Variants in ARL15 observed in about 807,000 individuals in gnomAD.
ARL15 encodes ADP-ribosylation factor-like protein 15.
Under a neutral mutation model 25.2 loss-of-function variants are expected in ARL15, and 19 were observed. That is an observed-to-expected ratio of 0.75 (90% CI 0.53 to 1.10). The LOEUF is 1.10. Ranked by LOEUF, ARL15 falls within the 50% of genes least tolerant of loss-of-function variation. The pLI, the probability that ARL15 is intolerant of heterozygous loss-of-function variation, is 0.00. For missense variants in ARL15, 220 were observed against 246.0 expected, an observed-to-expected ratio of 0.89 and a Z score of 0.71; for synonymous variants, 94 against 86.8, an observed-to-expected ratio of 1.08 and a Z score of -0.46.
chr5:53,973,435 A>G (rs1386020929), intron 4 of ARL15, among the ~76,000 whole-genome samples: 1 of 152,034 alleles, frequency 6.6e-6, no homozygotes, highest in Non-Finnish European at 1.5e-5. Context: ...TTAGCCAGGC[A>G]TGGTGGCGGG....
At chr5:54,200,615 T>C (rs757100245) in intron 1 of ARL15, among the ~76,000 whole-genome samples, 11 of 152,096 alleles carry the variant, frequency 7.2e-5, no homozygotes, top group Non-Finnish European at 1.5e-4. Context: ...GTTGATATAA[T>C]CATAAACCAA....
chr5:54,237,882 C>CAACT (rs2112568985), intron 1 of ARL15, among the ~76,000 whole-genome samples: 1 of 152,258 alleles, frequency 6.6e-6, no homozygotes, highest in Admixed American at 6.5e-5. Context: ...GCTGGGCAAC[C>CAACT]AACTAACCAT....
At chr5:54,234,340 A>G (rs1326897017) in intron 1 of ARL15, among the ~76,000 whole-genome samples, 1 of 152,102 alleles carries the variant, frequency 6.6e-6, no homozygotes, top group Non-Finnish European at 1.5e-5. Flanking sequence ...AAAAAATTTT[A>G]ATTGCTAGAA....
intron 1 of ARL15, among the ~76,000 whole-genome samples, chr5:54,233,501 T>C (rs368440060): frequency 6.6e-6 from 1 of 152,250 alleles, no homozygotes; most frequent in African/African-American, 2.4e-5. Context: ...AAGACTGATA[T>C]TGTGTTAACA....
intron 1 of ARL15, among the ~76,000 whole-genome samples, chr5:54,197,545 G>C (rs918868591): frequency 1.3e-5 from 2 of 152,026 alleles, no homozygotes; most frequent in Admixed American, 6.6e-5. Context: ...CCACATTTTG[G>C]GGGGAAATGC....
chr5:54,120,637 C>A (rs1753043577), intron 3 of ARL15, among the ~76,000 whole-genome samples: 1 of 152,192 alleles, frequency 6.6e-6, no homozygotes, highest in Non-Finnish European at 1.5e-5. Flanking sequence ...AAGGGGATCA[C>A]AACTTGCATA....
chr5:53,888,881 T>C lies in ARL15; in HGVS notation c.463-2168A>G, dbSNP rs894467901. Among the ~76,000 whole-genome samples, 3 of 152,242 alleles carry C rather than the reference T, an allele frequency of 2.0e-5. No individual in the cohort carries two copies. The East Asian group carries it at 5.8e-4, about 29-fold the overall frequency. On this transcript the variant is annotated intron_variant, in intron 4 of 4. Transcript: ENST00000504924. Reference sequence around the variant, plus strand: ...CTGAAAATCAGAGATGTTGGTCTTGTTGCTTCTGCCACAAAGTAAGGCTTC... The same window carrying C: ...CTGAAAATCAGAGATGTTGGTCTTGCTGCTTCTGCCACAAAGTAAGGCTTC...
chr5:54,106,599 T>C (rs970434476), intron 4 of ARL15, among the ~76,000 whole-genome samples: 4 of 152,190 alleles, frequency 2.6e-5, no homozygotes, highest in Admixed American at 6.5e-5. Flanking sequence ...CCTAATAATG[T>C]AAATGCTACG....
chr5:54,204,332 A>G (rs1209077618), intron 1 of ARL15, among the ~76,000 whole-genome samples: 1 of 152,204 alleles, frequency 6.6e-6, no homozygotes, highest in East Asian at 1.9e-4. Context: ...TTCCCACAGG[A>G]GACATGCAGG....
chr5:54,053,808 G>A (rs1293363057), intron 4 of ARL15, among the ~76,000 whole-genome samples: 1 of 152,234 alleles, frequency 6.6e-6, no homozygotes, highest in African/African-American at 2.4e-5. Context: ...GGCCTAAGGA[G>A]ATGTGAAAAC....
At chr5:54,017,117 G>T (rs369545538) in intron 4 of ARL15, among the ~76,000 whole-genome samples, 1 of 152,164 alleles carries the variant, frequency 6.6e-6, no homozygotes, top group African/African-American at 2.4e-5. Context: ...TGTTGAAACT[G>T]AAACATCATA....
chr5:54,217,851 G>A (rs1050289813), intron 1 of ARL15, among the ~76,000 whole-genome samples: 5 of 151,984 alleles, frequency 3.3e-5, no homozygotes, highest in East Asian at 1.9e-4. Context: ...CTCTATGTTG[G>A]ACTAAATTAC....
At chr5:54,282,568 C>A in intron 1 of ARL15, 1 of 984,626 alleles carries the variant, frequency 1.0e-6, no homozygotes. Flanking sequence ...TCCTCTAATA[C>A]AAGAGCATCA....
rs545617437 is a variant in ARL15, at chr5:54,265,258, T to C, written c.48+45174A>G. On this transcript the variant is annotated intron_variant, in intron 1 of 4. Transcript: ENST00000504924. ...AGTACAATTGTTATATTTTACAAAA[T>C]ACTCTTTCTGGAATGTAGTGGTTGT... 2.0e-5 allele frequency among the ~76,000 whole-genome samples: 3 copies of C among 152,364 alleles called. No individual in the cohort carries two copies. The East Asian group carries it at 5.8e-4, about 29-fold the overall frequency.
chr5:54,163,756 T>G (rs573178578), intron 2 of ARL15, among the ~76,000 whole-genome samples: 9 of 152,126 alleles, frequency 5.9e-5, no homozygotes, highest in African/African-American at 2.2e-4. Flanking sequence ...GATGTCACCT[T>G]TCTTATTCCT....
intron 2 of ARL15, among the ~76,000 whole-genome samples, chr5:54,160,123 T>C (rs549983959): frequency 6.6e-6 from 1 of 152,308 alleles, no homozygotes; most frequent in South Asian, 2.1e-4. Flanking sequence ...AAGGGCATGA[T>C]TTATGCCACA....
At chr5:54,122,949 A>T (rs1232471462) in intron 3 of ARL15, among the ~76,000 whole-genome samples, 1 of 152,148 alleles carries the variant, frequency 6.6e-6, no homozygotes. Flanking sequence ...TCTATACAGA[A>T]TCTGGCACAG....
chr5:54,116,131 T>C (rs1052118083), intron 3 of ARL15, among the ~76,000 whole-genome samples: 26 of 152,182 alleles, frequency 1.7e-4, no homozygotes, highest in African/African-American at 6.3e-4. Flanking sequence ...TATTACACCC[T>C]TGTATAGTCA....
At chr5:54,309,606 T>C (rs1302279211) in intron 1 of ARL15, among the ~76,000 whole-genome samples, 1 of 152,248 alleles carries the variant, frequency 6.6e-6, no homozygotes, top group Non-Finnish European at 1.5e-5. Context: ...CACAAGTCTC[T>C]GTAAATGAGG....
Sources: allele counts gnomAD v4.1 joint callset (sites outside exome capture counted in the v4.1 genomes callset), GRCh38; gene constraint gnomAD v4.1.1; transcripts MANE v1.5; gene names NCBI Gene and HGNC (gene_info 2026-07-23, HGNC 2026-07-21).